ADAMTS9: variants seen among roughly 807,000 people sequenced by gnomAD.
ADAMTS9 encodes A disintegrin and metalloproteinase with thrombospondin motifs 9.
A neutral mutation model predicts 257.1 loss-of-function variants in ADAMTS9; 107 were observed. The observed-to-expected ratio is 0.42, with a 90% CI of 0.36 to 0.49. The LOEUF (loss-of-function observed/expected upper bound fraction) is 0.49. Among genes scored for constraint, ADAMTS9 ranks in the 20% least tolerant of loss-of-function variants. ADAMTS9 has a pLI of 0.03. For missense variants in ADAMTS9, 2,353 were observed against 2,469.1 expected, an observed-to-expected ratio of 0.95 and a Z score of 1.00; for synonymous variants, 982 against 880.9, an observed-to-expected ratio of 1.11 and a Z score of -2.03.
At position 64,686,463 on chromosome 3, in the gene ADAMTS9, C is replaced by A. The variant is rs578169824; in HGVS notation, c.516+105G>T. 4 of 1,394,866 alleles carry A rather than the reference C, an allele frequency of 2.9e-6. No homozygotes were observed. The South Asian group carries it at 6.0e-5, about 21-fold the overall frequency. 86.4% of individuals were successfully genotyped at this position (1,394,866 alleles called of 1,614,324 possible). A position where few individuals can be genotyped will look rare whatever the true frequency, so the allele number is the denominator to read the frequency against. On this transcript the variant is annotated intron_variant, in intron 2 of 39. Transcript: ENST00000498707. The surrounding 1 kb of genome is among the most constrained non-coding windows in gnomAD (Gnocchi z 4.6). ...GCTGATATTTAACGCCGGAGAGGAG[C>A]GGAGCCTCGCCACAGTGAGGGTCTC...
chr3:64,520,648 A>G (rs759174818), intron 39 of ADAMTS9, among the ~76,000 whole-genome samples: 1 of 152,208 alleles, frequency 6.6e-6, no homozygotes, highest in Non-Finnish European at 1.5e-5. Flanking sequence ...AAAGCTATAC[A>G]TCTATAACCA....
chr3:64,635,651 G>A (rs536173221), intron 12 of ADAMTS9, among the ~76,000 whole-genome samples: 21 of 152,276 alleles, frequency 1.4e-4, no homozygotes, highest in Admixed American at 1.2e-3. Context: ...TTTGCCCAAA[G>A]GTCACACAGC....
At chr3:64,611,996 G>A (rs1463233210) in intron 22 of ADAMTS9, among the ~76,000 whole-genome samples, 1 of 152,166 alleles carries the variant, frequency 6.6e-6, no homozygotes, top group African/African-American at 2.4e-5. Context: ...AATTGGCAGA[G>A]TACAGTCACA....
At chr3:64,650,936 C>A in intron 9 of ADAMTS9, 81 bp downstream of exon 9, 1 of 1,285,794 alleles carries the variant, frequency 7.8e-7, no homozygotes, top group Non-Finnish European at 1.0e-6. Flanking sequence ...TGTTTGACTT[C>A]ATATTGTCTT....
chr3:64,603,655 G>C (rs1482190150), intron 25 of ADAMTS9, among the ~76,000 whole-genome samples: 2 of 152,128 alleles, frequency 1.3e-5, no homozygotes, highest in African/African-American at 2.4e-5. Context: ...TGGGATTTCT[G>C]ATCAGCCCAA....
chr3:64,654,591 G>A lies in ADAMTS9; in HGVS notation c.1191C>T (p.His397=), dbSNP rs773942814. The A allele has an allele frequency of 5.6e-6, 9 of 1,614,172 alleles. No individual in the cohort carries two copies. Among genetic ancestry groups the A allele is most frequent in the East Asian group, 4.5e-5 (2 of 44,874 alleles). The change falls in exon 7 of 40, where the codon CAC becomes CAT. Residue 397 remains histidine (H), a synonymous_variant. Coordinates refer to ENST00000498707, the MANE Select transcript of ADAMTS9 (RefSeq NM_182920.2). ...ACTCACCTAAGGTATCACATTTGTCGTGAGCTCTGCAGATATCCTGTCTGA... is the reference window on the plus strand; with the variant it reads ...ACTCACCTAAGGTATCACATTTGTCATGAGCTCTGCAGATATCCTGTCTGA... ...LLTRQDICRA[H]DKCDTLGLAE...
intron 3 of ADAMTS9, among the ~76,000 whole-genome samples, chr3:64,661,488 A>T (rs1344945548): frequency 6.6e-6 from 1 of 152,194 alleles, no homozygotes; most frequent in African/African-American, 2.4e-5. Flanking sequence ...CCGATGAGGA[A>T]AATAAGTCTC....
Position 64,555,996 on chromosome 3 carries a change from G to A in ADAMTS9, c.4699-4934C>T, listed in dbSNP as rs1405517070. ...AAAGAGTTCGTATCTGGCTCTGTGC[G>A]CACATCAAAACCTGGTCATTCCCTA... On this transcript the variant is annotated intron_variant, in intron 30 of 39. Coordinates refer to ENST00000498707, the MANE Select transcript of ADAMTS9 (RefSeq NM_182920.2). Among the ~76,000 whole-genome samples, 4 of 152,282 alleles carry A rather than the reference G, an allele frequency of 2.6e-5. No homozygotes were observed. The South Asian group carries it at 6.2e-4, about 24-fold the overall frequency.
At chr3:64,518,213 A>T (rs75932843) in intron 39 of ADAMTS9, among the ~76,000 whole-genome samples, 3 of 152,204 alleles carry the variant, frequency 2.0e-5, no homozygotes, top group Admixed American at 1.3e-4. Context: ...TTCTGGATCT[A>T]GCCATGCCTG....
chr3:64,569,931 T>C lies in ADAMTS9; in HGVS notation c.4357-1396A>G, dbSNP rs182849198. On this transcript the variant is annotated intron_variant, in intron 28 of 39. Coordinates refer to ENST00000498707, the MANE Select transcript of ADAMTS9 (RefSeq NM_182920.2). ...ACAAAAATATTCATCATTCAACCTG[T>C]AGTGTTTGATCTATATAAAGACTTT... is the stretch of plus-strand genomic sequence containing the variant. 5.9e-5 allele frequency among the ~76,000 whole-genome samples: 9 copies of C among 152,294 alleles called. No individual in the cohort carries two copies. The Middle Eastern group carries it at 0.017, about 288-fold the overall frequency.
intron 2 of ADAMTS9, 94 bp from the exon 3 acceptor site, chr3:64,681,457 AT>A: frequency 7.6e-7 from 1 of 1,313,512 alleles, no homozygotes; most frequent in Non-Finnish European, 1.0e-6. Flanking sequence ...AGATGGTGTC[AT>A]TTTACCCAAT....
At chr3:64,558,524 C>T (rs1456623326) in intron 30 of ADAMTS9, among the ~76,000 whole-genome samples, 5 of 152,122 alleles carry the variant, frequency 3.3e-5, no homozygotes, top group Admixed American at 1.3e-4. Context: ...AATGGCATCC[C>T]TCAAAGTTGT....
chr3:64,683,255 T>C (rs1009678195), intron 2 of ADAMTS9, among the ~76,000 whole-genome samples: 1 of 152,050 alleles, frequency 6.6e-6, no homozygotes, highest in Non-Finnish European at 1.5e-5. Context: ...GATTGGTAAA[T>C]GGGGAAACCA....
chr3:64,543,547 G>T (rs1172492391), intron 32 of ADAMTS9, among the ~76,000 whole-genome samples: 1 of 152,106 alleles, frequency 6.6e-6, no homozygotes, highest in Non-Finnish European at 1.5e-5. Flanking sequence ...TGCAGAAAAG[G>T]CCTTCAACAA....
Position 64,686,288 on chromosome 3 carries a change from G to T in ADAMTS9, c.516+280C>A, listed in dbSNP as rs1175029271. On this transcript the variant is annotated intron_variant, in intron 2 of 39. Coordinates refer to ENST00000498707, the MANE Select transcript of ADAMTS9 (RefSeq NM_182920.2). The surrounding 1 kb of genome is among the most constrained non-coding windows in gnomAD (Gnocchi z 4.6). ...GAGTTTGGAAACTGACTTCCAGGCC[G>T]CCTCGCAGCGTTGGGCAACGCGCCG... 1.3e-5 allele frequency among the ~76,000 whole-genome samples: 2 copies of T among 152,248 alleles called. No homozygotes were observed. The highest frequency in any genetic ancestry group is 4.8e-5 in the African/African-American group (2 of 41,470).
intron 38 of ADAMTS9, among the ~76,000 whole-genome samples, chr3:64,526,056 A>G (rs2082906328): frequency 6.8e-6 from 1 of 146,794 alleles, no homozygotes; most frequent in African/African-American, 2.5e-5. Flanking sequence ...CTTATGTGTG[A>G]TATGCTATAC....
chr3:64,557,139 T>G (rs2083349056), intron 30 of ADAMTS9, among the ~76,000 whole-genome samples: 1 of 152,052 alleles, frequency 6.6e-6, no homozygotes, highest in Non-Finnish European at 1.5e-5. Flanking sequence ...ACATCTAGGT[T>G]GAGGCCTGAA....
rs1434209858 is a variant in ADAMTS9 at position 64,687,758 on chromosome 3, G to A, written c.-101C>T. On this transcript the variant is annotated 5_prime_UTR_variant, in exon 1 of 40. Coordinates refer to ENST00000498707, the MANE Select transcript of ADAMTS9 (RefSeq NM_182920.2). This position sits in a 1 kb window ranked among gnomAD's most constrained non-coding sequence, Gnocchi z 4.4. ...GCAGCGGCCGTGGAGAGCGCGCGGA[G>A]CCCGGCGCCCGCCGCCAACTTTTGA... The A allele has an allele frequency of 1.1e-6, 1 of 897,012 alleles. No individual in the cohort carries two copies. Among genetic ancestry groups the A allele is most frequent in the Admixed American group, 3.7e-5 (1 of 26,854 alleles). 55.6% of individuals were successfully genotyped at this position (897,012 alleles called of 1,614,324 possible).
chr3:64,633,654 G>A (rs2106898241), intron 13 of ADAMTS9, 44 bp downstream of exon 13: 1 of 1,613,878 alleles, frequency 6.2e-7, no homozygotes, highest in Non-Finnish European at 8.5e-7. Context: ...CCTGGCCTCA[G>A]TGCCGGCCGG....
Sources: allele counts gnomAD v4.1 joint callset (sites outside exome capture counted in the v4.1 genomes callset), GRCh38; gene constraint gnomAD v4.1.1; non-coding constraint Gnocchi (gnomAD v3.1); transcripts MANE v1.5; gene names NCBI Gene and HGNC (gene_info 2026-07-23, HGNC 2026-07-21).